The following CROT variants were observed in gnomAD, a reference collection of about 807,000 sequenced individuals.
The protein encoded by CROT is peroxisomal carnitine O-octanoyltransferase.
A neutral mutation model predicts 89.2 loss-of-function variants in CROT; 84 were observed. That is an observed-to-expected ratio of 0.94 (90% CI 0.79 to 1.13). The LOEUF is 1.13. CROT is among the 50% of genes most tolerant of loss of function. CROT has a pLI of 0.00. For missense variants in CROT, 711 were observed against 727.8 expected (o/e 0.98, Z 0.27); for synonymous variants, 212 against 239.5 (o/e 0.89, Z 1.06).
chr7:87,384,588 ATTGAG>A (rs1277452504), intron 13 of CROT, among the ~76,000 whole-genome samples: 1 of 152,194 alleles, frequency 6.6e-6, no homozygotes, highest in Non-Finnish European at 1.5e-5. Flanking sequence ...GTGTGTTGCT[ATTGAG>A]TTTTTTAAGT....
In CROT at chr7:87,399,052, T is replaced by C. The variant is rs1430721574; in HGVS notation, c.*408T>C. ...TTTCAAGCACTTTAATTTTTTTAGC[T>C]GCCAAAGGGTATGAATTACATTATT... On this transcript the variant is annotated 3_prime_UTR_variant, in exon 18 of 18. Transcript: ENST00000331536. 1.1e-5 allele frequency: 2 copies of C among 175,076 alleles called. No individual in the cohort carries two copies. The highest frequency in any genetic ancestry group is 2.4e-5 in the Non-Finnish European group (2 of 82,882). The allele number at this position is 175,076 out of a possible 1,614,324, so 10.8% of individuals were successfully genotyped here.
At chr7:87,355,427 T>C (rs996804148) in intron 3 of CROT, among the ~76,000 whole-genome samples, 6 of 152,174 alleles carry the variant, frequency 3.9e-5, no homozygotes, top group East Asian at 1.9e-4. Context: ...TTCATAACTT[T>C]CTTCACATCT....
intron 17 of CROT, among the ~76,000 whole-genome samples, chr7:87,398,031 C>T (rs1191258436): frequency 6.6e-6 from 1 of 151,460 alleles, no homozygotes; most frequent in Non-Finnish European, 1.5e-5. Flanking sequence ...TGGTGGAAGG[C>T]ATGACTTGAT....
Position 87,387,768 on chromosome 7 carries a change from A to C in CROT, c.1302-3821A>C, listed in dbSNP as rs1344992447. On this transcript the variant is annotated intron_variant, in intron 13 of 17. Transcript: ENST00000331536. ...GGAGTTCGAGACTAGCCTGGCCAAC[A>C]TGGTAAAACCCCATCTCTATGGAAA... 2.0e-5 allele frequency among the ~76,000 whole-genome samples: 3 copies of C among 152,160 alleles called. No homozygotes were observed. The East Asian group carries it at 5.8e-4, about 29-fold the overall frequency.
At chr7:87,378,623 C>A (rs1048461744) in intron 10 of CROT, among the ~76,000 whole-genome samples, 1 of 152,170 alleles carries the variant, frequency 6.6e-6, no homozygotes, top group African/African-American at 2.4e-5. Context: ...TCTTCATAGA[C>A]TCCCAAAGGA....
chr7:87,366,813 T>A (rs1376382564), intron 6 of CROT, among the ~76,000 whole-genome samples: 1 of 152,164 alleles, frequency 6.6e-6, no homozygotes, highest in Non-Finnish European at 1.5e-5. Flanking sequence ...AGATACCTAC[T>A]CTAGCAATTT....
At chr7:87,363,669 A>G (rs182047352) in intron 6 of CROT, among the ~76,000 whole-genome samples, 25 of 152,376 alleles carry the variant, frequency 1.6e-4, no homozygotes, top group African/African-American at 5.8e-4. Flanking sequence ...AAATGTGAAC[A>G]GAAACTATTA....
chr7:87,351,308 C>CAAAAAAAAAAAAAAAAAAAA (rs11295263), intron 3 of CROT, among the ~76,000 whole-genome samples: 2 of 67,526 alleles, frequency 3.0e-5, no homozygotes, highest in African/African-American at 6.1e-5. Context: ...GACTCCATCT[C>CAAAAAAAAAAAAAAAAAAAA]AAAAAAAAAA....
chr7:87,377,835 A>C (rs546337099), intron 10 of CROT, among the ~76,000 whole-genome samples: 1 of 152,292 alleles, frequency 6.6e-6, no homozygotes, highest in Non-Finnish European at 1.5e-5. Flanking sequence ...CCTAGTAACT[A>C]GGTAACTATT....
At chr7:87,350,468 G>C (rs542663027) in intron 3 of CROT, among the ~76,000 whole-genome samples, 1 of 152,252 alleles carries the variant, frequency 6.6e-6, no homozygotes, top group South Asian at 2.1e-4. Context: ...TGCTTGAAGA[G>C]AGAATATGGC....
intron 6 of CROT, among the ~76,000 whole-genome samples, chr7:87,364,849 T>A (rs1020995297): frequency 3.9e-5 from 6 of 152,100 alleles, no homozygotes; most frequent in Non-Finnish European, 8.8e-5. Flanking sequence ...GCCAGTTTTG[T>A]TGTAGGAAGA....
chr7:87,361,737 G>A lies in CROT; in HGVS notation c.432G>A (p.Val144=), dbSNP rs746676213. ...NYWQLLRKEK[V]PVHKVGNTPL... The stretch of plus-strand genomic sequence containing the variant: ...ATCCTTTTTTTAATAGAGAAAAAGT[G>A]CCTGTTCATAAAGTTGGAAATACTC... The change falls in exon 6 of 18, where the codon GTG becomes GTA. Residue 144 remains valine, a synonymous_variant. Coordinates refer to ENST00000331536, the MANE Select transcript of CROT (RefSeq NM_021151.4). 5.7e-6 allele frequency: 9 copies of A among 1,576,190 alleles called. No individual in the cohort carries two copies. In the South Asian group the frequency reaches 7.1e-5, roughly 13 times the overall value.
chr7:87,388,197 G>A (rs1031276859), intron 13 of CROT, among the ~76,000 whole-genome samples: 3 of 151,880 alleles, frequency 2.0e-5, no homozygotes, highest in Non-Finnish European at 4.4e-5. Flanking sequence ...TCTAACAGTT[G>A]CCCCAAGTAA....
intron 12 of CROT, 54 bp from the exon 13 acceptor site, chr7:87,382,359 G>A (rs1277900053): frequency 4.4e-6 from 7 of 1,575,720 alleles, no homozygotes; most frequent in Non-Finnish European, 6.0e-6. Flanking sequence ...GCTTCTCTTT[G>A]GTGTATTCTC....
chr7:87,353,391 C>A lies in CROT; in HGVS notation c.115+4208C>A, dbSNP rs112884386. ...CTCAAACTCCTGACCTCAAGTGATCCGCCTGCCTCCAGTTCCCAACATGCT... is the reference window on the plus strand; with the variant it reads ...CTCAAACTCCTGACCTCAAGTGATCAGCCTGCCTCCAGTTCCCAACATGCT... On this transcript the variant is annotated intron_variant, in intron 3 of 17. Coordinates refer to ENST00000331536, the MANE Select transcript of CROT (RefSeq NM_021151.4). 2.6e-5 allele frequency among the ~76,000 whole-genome samples: 4 copies of A among 152,104 alleles called. No homozygotes were observed. In the East Asian group the frequency reaches 7.7e-4, roughly 29 times the overall value.
intron 7 of CROT, among the ~76,000 whole-genome samples, chr7:87,373,139 C>T (rs1005081377): frequency 3.9e-5 from 6 of 151,920 alleles, no homozygotes; most frequent in East Asian, 3.9e-4. Context: ...TTTATTGTAG[C>T]GATGCTAGTA....
chr7:87,391,420 T>G (rs1807352829), intron 13 of CROT, among the ~76,000 whole-genome samples, 169 bp from the exon 14 acceptor site: 2 of 152,160 alleles, frequency 1.3e-5, no homozygotes, highest in Non-Finnish European at 2.9e-5. Context: ...TCAGAGTATT[T>G]TTTGCTCTTT....
At chr7:87,390,145 GTAGT>G (rs1807313746) in intron 13 of CROT, among the ~76,000 whole-genome samples, 1 of 152,102 alleles carries the variant, frequency 6.6e-6, no homozygotes, top group Non-Finnish European at 1.5e-5. Flanking sequence ...TTGTAAACTG[GTAGT>G]TAGAGCTAGA....
intron 6 of CROT, among the ~76,000 whole-genome samples, chr7:87,363,416 A>G (rs1182884888): frequency 1.3e-5 from 2 of 152,240 alleles, no homozygotes; most frequent in South Asian, 2.1e-4. Flanking sequence ...GATCTGAATG[A>G]TAAGATGAAC....
Sources: allele counts gnomAD v4.1 joint callset (sites outside exome capture counted in the v4.1 genomes callset), GRCh38; gene constraint gnomAD v4.1.1; transcripts MANE v1.5; gene names NCBI Gene and HGNC (gene_info 2026-07-23, HGNC 2026-07-21).